The following AGBL1 variants were observed in gnomAD, a reference collection of about 807,000 sequenced individuals.
AGBL1 encodes AGBL carboxypeptidase 1.
In AGBL1, 130 loss-of-function variants were observed where a neutral mutation model predicts 118.9. That is an observed-to-expected ratio of 1.09 (90% CI 0.95 to 1.26). The LOEUF is 1.26. Ranked by LOEUF, AGBL1 falls within the 50% of genes most tolerant of loss-of-function variation. The pLI, the probability that AGBL1 is intolerant of heterozygous loss-of-function variation, is 0.00. For missense variants in AGBL1, 1,584 were observed against 1,298.1 expected (o/e 1.22, Z -3.38); for synonymous variants, 555 against 478.9 (o/e 1.16, Z -2.08).
At chr15:86,341,214 T>G (rs2080456874) in intron 17 of AGBL1, among the ~76,000 whole-genome samples, 1 of 152,198 alleles carries the variant, frequency 6.6e-6, no homozygotes, top group Admixed American at 6.5e-5. Flanking sequence ...CTGGGTTTTT[T>G]GTGTGGTGTT....
chr15:86,754,284 T>C (rs1321759113), intron 22 of AGBL1, among the ~76,000 whole-genome samples: 1 of 152,146 alleles, frequency 6.6e-6, no homozygotes, highest in Non-Finnish European at 1.5e-5. Context: ...CATGCAGATA[T>C]ATCTTGCTTG....
At chr15:86,760,570 C>T (rs1185248147) in intron 22 of AGBL1, among the ~76,000 whole-genome samples, 1 of 152,056 alleles carries the variant, frequency 6.6e-6, no homozygotes, top group Non-Finnish European at 1.5e-5. Flanking sequence ...GTAAATGGAC[C>T]TATGTAAAAA....
At chr15:86,768,179 C>T (rs764810141) in intron 22 of AGBL1, among the ~76,000 whole-genome samples, 4 of 151,892 alleles carry the variant, frequency 2.6e-5, no homozygotes, top group Admixed American at 6.6e-5. Flanking sequence ...CTGATTTGCT[C>T]GCAAATTTTA....
At chr15:86,595,668 T>C (rs1459442706) in intron 21 of AGBL1, among the ~76,000 whole-genome samples, 1 of 152,142 alleles carries the variant, frequency 6.6e-6, no homozygotes, top group Admixed American at 6.6e-5. Context: ...TCTTTCCCAC[T>C]GCACAGATAA....
intron 23 of AGBL1, among the ~76,000 whole-genome samples, chr15:86,980,226 G>GT (rs1194970979): frequency 6.6e-6 from 1 of 152,178 alleles, no homozygotes; most frequent in African/African-American, 2.4e-5. Flanking sequence ...TGAATAATTG[G>GT]TTGGTACAAG....
chr15:86,143,962 TG>T, intron 3 of AGBL1, 117 bp downstream of exon 3: 1 of 1,290,170 alleles, frequency 7.8e-7, no homozygotes, highest in Non-Finnish European at 1.0e-6. Context: ...AGGGAGGTTC[TG>T]GACAACTTGA....
At chr15:86,837,321 G>T (rs1179447284) in intron 22 of AGBL1, among the ~76,000 whole-genome samples, 1 of 151,876 alleles carries the variant, frequency 6.6e-6, no homozygotes, top group South Asian at 2.1e-4. Flanking sequence ...TTGCATGCTG[G>T]TCATTTATTT....
chr15:86,320,000 G>A (rs1255816164), intron 17 of AGBL1, among the ~76,000 whole-genome samples: 4 of 151,840 alleles, frequency 2.6e-5, no homozygotes, highest in East Asian at 1.9e-4. Context: ...CAGGTGATCC[G>A]CCTGCCTTGG....
At chr15:86,784,114 T>C (rs994717081) in intron 22 of AGBL1, among the ~76,000 whole-genome samples, 1 of 152,190 alleles carries the variant, frequency 6.6e-6, no homozygotes, top group African/African-American at 2.4e-5. Context: ...ATGTGAATAA[T>C]AATAATACTT....
intron 21 of AGBL1, among the ~76,000 whole-genome samples, chr15:86,566,525 A>T (rs1049003119): frequency 6.6e-6 from 1 of 151,808 alleles, no homozygotes; most frequent in Non-Finnish European, 1.5e-5. Context: ...GAAACAGCCA[A>T]TTTTTTTTAT....
At chr15:86,410,830 A>AT (rs2081599834) in intron 18 of AGBL1, among the ~76,000 whole-genome samples, 1 of 90,450 alleles carries the variant, frequency 1.1e-5, no homozygotes, top group African/African-American at 4.4e-5. Flanking sequence ...ATATATATAT[A>AT]TATATATATA....
chr15:86,784,403 C>T (rs919288493), intron 22 of AGBL1, among the ~76,000 whole-genome samples: 1 of 152,084 alleles, frequency 6.6e-6, no homozygotes, highest in Non-Finnish European at 1.5e-5. Context: ...TTCAGCTTGC[C>T]AGAGCATATT....
intron 1 of AGBL1, among the ~76,000 whole-genome samples, chr15:86,094,567 A>G (rs1012676551): frequency 6.6e-6 from 1 of 152,116 alleles, no homozygotes; most frequent in African/African-American, 2.4e-5. Context: ...ATTGATCTGC[A>G]ATGTAGTCAC....
intron 19 of AGBL1, among the ~76,000 whole-genome samples, chr15:86,536,181 T>C (rs2083423656): frequency 6.6e-6 from 1 of 152,200 alleles, no homozygotes; most frequent in Admixed American, 6.5e-5. Context: ...ACAAAAAAAC[T>C]ACATTTAATT....
At position 86,308,027 on chromosome 15, in the gene AGBL1, C is replaced by G. The variant is rs145142927; in HGVS notation, c.2374+12619C>G. ...AAATCACATATTTATATATCTCTGA[C>G]CATCTACTATTGAGTTTGCCTGTTT... On this transcript the variant is annotated intron_variant, in intron 17 of 22. Coordinates refer to ENST00000614907, the MANE Select transcript of AGBL1 (RefSeq NM_001386094.1). 2.4e-3 allele frequency among the ~76,000 whole-genome samples: 361 copies of G among 152,228 alleles called. 1 individual carries two copies. Among genetic ancestry groups the G allele is most frequent in the Non-Finnish European group, 4.2e-3 (285 of 68,002 alleles).
chr15:86,180,419 A>G (rs1441326189), intron 5 of AGBL1, among the ~76,000 whole-genome samples: 4 of 152,134 alleles, frequency 2.6e-5, no homozygotes, highest in Non-Finnish European at 5.9e-5. Context: ...GGCAAATTTC[A>G]CGGAGGAATA....
rs529550686 is a variant in AGBL1, at chr15:86,759,372, C to T, written c.3158+84936C>T. ...CAAAATATTTAGTTGCCCTCTTAGTCTGTTTTCTCACTTGTATAATAGAAG... is the reference window on the plus strand; with the variant it reads ...CAAAATATTTAGTTGCCCTCTTAGTTTGTTTTCTCACTTGTATAATAGAAG... On this transcript the variant is annotated intron_variant, in intron 22 of 22. Coordinates refer to ENST00000614907, the MANE Select transcript of AGBL1 (RefSeq NM_001386094.1). Among the ~76,000 whole-genome samples, 4 of 152,146 alleles carry T rather than the reference C, an allele frequency of 2.6e-5. No individual in the cohort carries two copies. The East Asian group carries it at 7.7e-4, about 29-fold the overall frequency.
At chr15:86,278,246 C>T (rs1209022537) in intron 15 of AGBL1, among the ~76,000 whole-genome samples, 7 of 152,132 alleles carry the variant, frequency 4.6e-5, no homozygotes, top group Non-Finnish European at 1.0e-4. Flanking sequence ...ATAAAGGAAA[C>T]GGATTCTATT....
At chr15:86,981,796 A>G (rs1177585001) in intron 23 of AGBL1, among the ~76,000 whole-genome samples, 8 of 152,124 alleles carry the variant, frequency 5.3e-5, no homozygotes, top group Admixed American at 5.2e-4. Context: ...CAAAACAGGA[A>G]AACAGGATCC....
Sources: allele counts gnomAD v4.1 joint callset (sites outside exome capture counted in the v4.1 genomes callset), GRCh38; gene constraint gnomAD v4.1.1; transcripts MANE v1.5; gene names NCBI Gene and HGNC (gene_info 2026-07-23, HGNC 2026-07-21).